GCFC2: variants seen among roughly 807,000 people sequenced by gnomAD.
The protein encoded by GCFC2 is GC-rich sequence DNA-binding factor 2, also known as intron Large complex component GCFC2.
GCFC2 carries 102 observed loss-of-function variants against 99.4 expected under a neutral mutation model. The ratio of observed to expected loss-of-function variants is 1.03; its 90% CI spans 0.87 to 1.21. The LOEUF (loss-of-function observed/expected upper bound fraction) is 1.21. GCFC2 is among the 50% of genes most tolerant of loss of function. GCFC2 has a pLI of 0.00. For synonymous variants in GCFC2, 338 were observed against 316.8 expected (o/e 1.07, Z -0.71); for missense variants, 973 against 920.9 (o/e 1.06, Z -0.73).
Position 75,705,951 on chromosome 2 carries a change from A to G in GCFC2, c.394+572T>C, listed in dbSNP as rs192655398. Among the ~76,000 whole-genome samples, 502 of 152,318 alleles carry G rather than the reference A, an allele frequency of 3.3e-3. 1 individual carries two copies. The highest frequency in any genetic ancestry group is 6.8e-3 in the Middle Eastern group (2 of 294). Reference sequence around the variant, plus strand: ...GAAAGACTGTGATTGTGTTTTAATAAAACTTTGTTTACAAAAACAGGTGGT... The same window carrying G: ...GAAAGACTGTGATTGTGTTTTAATAGAACTTTGTTTACAAAAACAGGTGGT... On this transcript the variant is annotated intron_variant, in intron 2 of 16. Coordinates refer to ENST00000321027, the MANE Select transcript of GCFC2 (RefSeq NM_003203.5).
intron 1 of GCFC2, 67 bp downstream of exon 1, chr2:75,710,524 A>T (rs1172291275): frequency 7.0e-7 from 1 of 1,426,378 alleles, no homozygotes; most frequent in African/African-American, 1.5e-5. Flanking sequence ...AGAAGGATCC[A>T]GAGACCCCGC....
intron 1 of GCFC2, among the ~76,000 whole-genome samples, chr2:75,708,874 C>A (rs918636241): frequency 2.0e-5 from 3 of 152,122 alleles, no homozygotes; most frequent in African/African-American, 7.2e-5. Flanking sequence ...AAGCACAACA[C>A]CCTCAATGAT....
At chr2:75,682,426 G>C (rs1054081635) in intron 11 of GCFC2, among the ~76,000 whole-genome samples, 1 of 151,810 alleles carries the variant, frequency 6.6e-6, no homozygotes, top group Non-Finnish European at 1.5e-5. Context: ...TGTACCCTAA[G>C]AGACCCCATC....
At chr2:75,669,871 T>C (rs942957212) in intron 15 of GCFC2, 5 of 193,064 alleles carry the variant, frequency 2.6e-5, no homozygotes, top group Non-Finnish European at 5.4e-5. Context: ...ATTACAGGTG[T>C]TAGCCACCGC....
intron 6 of GCFC2, among the ~76,000 whole-genome samples, chr2:75,693,916 C>G (rs1337124930): frequency 1.3e-5 from 2 of 151,880 alleles, no homozygotes; most frequent in African/African-American, 4.8e-5. Context: ...TTCTGGAGGT[C>G]AATTTTGTAA....
chr2:75,712,609 T>C (rs893565564), upstream of GCFC2, among the ~76,000 whole-genome samples: 4 of 152,128 alleles, frequency 2.6e-5, no homozygotes, highest in African/African-American at 9.7e-5. Flanking sequence ...GCTTTGTTCT[T>C]TCGCTCTTTG....
intron 16 of GCFC2, among the ~76,000 whole-genome samples, chr2:75,665,190 T>C (rs995434796): frequency 6.6e-6 from 1 of 151,990 alleles, no homozygotes; most frequent in Non-Finnish European, 1.5e-5. Context: ...TTGGCTCTGC[T>C]GGTCAGACTG....
At chr2:75,670,064 G>T in intron 15 of GCFC2, 74 bp downstream of exon 15, 1 of 974,078 alleles carries the variant, frequency 1.0e-6, no homozygotes, top group Non-Finnish European at 1.6e-6. Flanking sequence ...TAATTATTTT[G>T]CTAAATAATA....
Position 75,670,210 on chromosome 2 carries a change from C to T in GCFC2, c.2031G>A (p.Leu677=). 6.2e-7 allele frequency: 1 copy of T among 1,607,622 alleles called. No individual in the cohort carries two copies. The highest frequency in any genetic ancestry group is 1.7e-5 in the Admixed American group (1 of 60,022). ...GTGCTATAATAAGGTAACGATTTAG[C>T]AGCTTCCCTAGTCCTAGTTCTTGCA... ...DTLQELGLGK[L]LNRYLIIALL... The change falls in exon 15 of 17, where the codon CTG becomes CTA. Residue 677 remains leucine, a synonymous_variant. Transcript: ENST00000321027.
chr2:75,687,946 C>T lies in GCFC2; in HGVS notation c.1571G>A (p.Trp524Ter). 1 of 1,598,220 alleles carries T rather than the reference C, an allele frequency of 6.3e-7. No homozygotes were observed. The highest frequency in any genetic ancestry group is 8.5e-7 in the Non-Finnish European group (1 of 1,171,674). ...LESTGLKEMPWFKSVEEFMDS... is the reference protein window; with the variant it reads ...LESTGLKEMP ...CATAAATTCTTCTACAGATTTGAAC[C>T]ATGGCATCTCTTTTAAACCTGTGGA... The change falls in exon 11 of 17, where the codon TGG becomes TAG. Residue 524 changes from tryptophan (W) to a stop codon, truncating the protein, a stop_gained. Transcript: ENST00000321027. LOFTEE classifies it high-confidence loss of function.
chr2:75,688,126 G>T, intron 10 of GCFC2, 149 bp from the exon 11 acceptor site: 1 of 583,788 alleles, frequency 1.7e-6, no homozygotes, highest in Admixed American at 3.5e-5. Context: ...ACCAAGGCTA[G>T]GCAGGATTGC....
At chr2:75,695,619 A>G (rs1422365187) in intron 5 of GCFC2, among the ~76,000 whole-genome samples, 1 of 152,186 alleles carries the variant, frequency 6.6e-6, no homozygotes, top group Non-Finnish European at 1.5e-5. Flanking sequence ...ATAATACCAA[A>G]GCCTATATAT....
chr2:75,690,093 AAC>A lies in GCFC2; in HGVS notation c.1227-14_1227-13del, dbSNP rs955241695. 5 of 1,492,022 alleles carry A rather than the reference AAC, an allele frequency of 3.4e-6. No homozygotes were observed. In the African/African-American group the frequency reaches 5.6e-5, roughly 17 times the overall value. The allele number at this position is 1,492,022 out of a possible 1,614,324, so 92.4% of individuals were successfully genotyped here. On this transcript the variant is annotated splice_polypyrimidine_tract_variant and intron_variant, in intron 8 of 16. Transcript: ENST00000321027. Reference sequence around the variant, plus strand: ...GTCTTCTTTTTGTCCTATATTTTGCAACAAACCAAAAATAAACAAAAAGTAAG... The same window carrying A: ...GTCTTCTTTTTGTCCTATATTTTGCAAAACCAAAAATAAACAAAAAGTAAG...
chr2:75,666,036 T>TGCTGCTTAACA lies in GCFC2; in HGVS notation c.2120_2121insTGTTAAGCAGC (p.Glu708ValfsTer13). On this transcript the variant is annotated frameshift_variant, in exon 16 of 17. Coordinates refer to ENST00000321027, the MANE Select transcript of GCFC2 (RefSeq NM_003203.5). LOFTEE classifies it high-confidence loss of function. ...TGGCAGAATTTTCAAACCATTTTTC[T>TGCTGCTTAACA]GGTAGACATGCTGCTACCTGTTAAT... 1 of 1,606,344 alleles carries TGCTGCTTAACA rather than the reference T, an allele frequency of 6.2e-7. No individual in the cohort carries two copies. Among genetic ancestry groups the TGCTGCTTAACA allele is most frequent in the Non-Finnish European group, 8.5e-7 (1 of 1,176,080 alleles).
At position 75,689,077 on chromosome 2, in the gene GCFC2, C is replaced by T. The variant is rs1416031801; in HGVS notation, c.1488G>A (p.Lys496=). The part of the protein sequence containing the change: ...YEAFISLCIP[K]LLNPLIRVQL... ...GAACTCGTATTAGGGGATTTAAAAG[C>T]TTTGGTATGCATAAACTAATGAAAG... The change falls in exon 10 of 17, where the codon AAG becomes AAA. Residue 496 remains lysine (K), a synonymous_variant. Coordinates refer to ENST00000321027, the MANE Select transcript of GCFC2 (RefSeq NM_003203.5). The T allele has an allele frequency of 2.5e-6, 4 of 1,598,224 alleles. No individual in the cohort carries two copies. The highest frequency in any genetic ancestry group is 1.7e-5 in the Admixed American group (1 of 59,010).
intron 2 of GCFC2, among the ~76,000 whole-genome samples, chr2:75,705,135 A>T (rs1200018650): frequency 6.6e-6 from 1 of 152,182 alleles, no homozygotes; most frequent in East Asian, 1.9e-4. Context: ...GAAGATAGAA[A>T]ATTTTTCCAA....
chr2:75,672,774 T>C (rs1679162521), intron 13 of GCFC2, among the ~76,000 whole-genome samples: 1 of 152,226 alleles, frequency 6.6e-6, no homozygotes, highest in African/African-American at 2.4e-5. Flanking sequence ...GCACTAATTT[T>C]ATCCTTATTT....
At chr2:75,675,124 T>A (rs1679277802) in intron 12 of GCFC2, among the ~76,000 whole-genome samples, 1 of 152,196 alleles carries the variant, frequency 6.6e-6, no homozygotes, top group African/African-American at 2.4e-5. Flanking sequence ...CTATTGAAAA[T>A]GTTATAAAGG....
intron 4 of GCFC2, among the ~76,000 whole-genome samples, chr2:75,699,187 G>A (rs1168286484): frequency 1.3e-5 from 2 of 151,974 alleles, no homozygotes; most frequent in African/African-American, 4.8e-5. Context: ...ATGCCTAACA[G>A]GAACACACAT....
Sources: gnomAD v4.1 joint callset for allele counts (sites outside exome capture counted in the v4.1 genomes callset) on GRCh38, gnomAD v4.1.1 for gene constraint, MANE v1.5 for transcripts, NCBI Gene and HGNC (gene_info 2026-07-23, HGNC 2026-07-21) for gene names.